The following FOXP2 variants were observed in gnomAD, a reference collection of about 807,000 sequenced individuals.
FOXP2 encodes the protein forkhead box P2, also known as forkhead box protein P2.
FOXP2 carries 12 observed loss-of-function variants against 115.8 expected under a neutral mutation model. The ratio of observed to expected loss-of-function variants is 0.10; its 90% CI spans 0.07 to 0.17. FOXP2 has a LOEUF of 0.17. Among genes scored for constraint, FOXP2 ranks in the 10% least tolerant of loss-of-function variants. FOXP2 has a pLI of 1.00. For missense variants in FOXP2, 629 were observed against 843.5 expected, an observed-to-expected ratio of 0.75 and a Z score of 3.15; for synonymous variants, 328 against 297.7, an observed-to-expected ratio of 1.10 and a Z score of -1.05.
At chr7:114,153,624 A>G (rs1040877302) in intron 1 of FOXP2, among the ~76,000 whole-genome samples, 1 of 152,136 alleles carries the variant, frequency 6.6e-6, no homozygotes, top group Non-Finnish European at 1.5e-5. Flanking sequence ...ATAGTGCATT[A>G]TATTTGCAAA....
intron 3 of FOXP2, among the ~76,000 whole-genome samples, chr7:114,575,728 T>C (rs1403603838): frequency 6.6e-6 from 1 of 151,968 alleles, no homozygotes; most frequent in East Asian, 1.9e-4. Context: ...AGTTAGGAAA[T>C]ACATGCAGCA....
chr7:114,488,199 T>C (rs987080039), intron 2 of FOXP2, among the ~76,000 whole-genome samples: 1 of 151,998 alleles, frequency 6.6e-6, no homozygotes, highest in African/African-American at 2.4e-5. Context: ...TATAAAACCA[T>C]CAGATCTAGT....
intron 3 of FOXP2, among the ~76,000 whole-genome samples, chr7:114,616,167 T>C (rs1803940368): frequency 1.4e-5 from 2 of 145,690 alleles, no homozygotes; most frequent in Non-Finnish European, 3.0e-5. Context: ...TTGTTGTCGT[T>C]TTTGTTTTTT....
intron 3 of FOXP2, among the ~76,000 whole-genome samples, chr7:114,592,784 G>T (rs1466230982): frequency 6.6e-6 from 1 of 151,820 alleles, no homozygotes; most frequent in Non-Finnish European, 1.5e-5. Context: ...GTTTAAAATT[G>T]GCATCTTTTT....
At chr7:114,510,646 C>T (rs1697895153) in intron 2 of FOXP2, among the ~76,000 whole-genome samples, 1 of 152,096 alleles carries the variant, frequency 6.6e-6, no homozygotes, top group African/African-American at 2.4e-5. Context: ...ATGTCTTTTA[C>T]CACAATGAGA....
intron 3 of FOXP2, among the ~76,000 whole-genome samples, chr7:114,568,206 A>G (rs951970950): frequency 7.9e-5 from 12 of 151,914 alleles, no homozygotes; most frequent in African/African-American, 2.7e-4. Context: ...TCTTGTTCCT[A>G]TGGATAGATT....
chr7:114,208,101 A>G (rs1794246053), intron 1 of FOXP2, among the ~76,000 whole-genome samples: 1 of 152,202 alleles, frequency 6.6e-6, no homozygotes, highest in Admixed American at 6.5e-5. Context: ...GTGTACCTGG[A>G]AAAGCTACCA....
chr7:114,208,177 G>A (rs1212679619), intron 1 of FOXP2, among the ~76,000 whole-genome samples: 2 of 152,212 alleles, frequency 1.3e-5, no homozygotes, highest in African/African-American at 4.8e-5. Context: ...AGCAACAGGG[G>A]AAGAGCTGTC....
chr7:114,298,409 T>G (rs1049224207), intron 2 of FOXP2, among the ~76,000 whole-genome samples: 3 of 152,180 alleles, frequency 2.0e-5, no homozygotes, highest in Non-Finnish European at 4.4e-5. Flanking sequence ...GGTCTCTCAG[T>G]CAGCACGCTG....
Position 114,664,453 on chromosome 7 carries a change from GAC to G in FOXP2, c.2003+18_2003+19del. 3.1e-6 allele frequency: 5 copies of G among 1,613,110 alleles called. No homozygotes were observed. The highest frequency in any genetic ancestry group is 4.2e-6 in the Non-Finnish European group (5 of 1,179,496). ...GCCGCACATGTAAGTGTGGTTAACA[GAC>G]TCTCTAAAGGGAAGAATCTATATTA... is the stretch of plus-strand genomic sequence containing the variant. On this transcript the variant is annotated intron_variant, in intron 16 of 16. Transcript: ENST00000350908.
chr7:114,529,696 A>T (rs1799044600), intron 2 of FOXP2, among the ~76,000 whole-genome samples: 1 of 151,846 alleles, frequency 6.6e-6, no homozygotes, highest in Non-Finnish European at 1.5e-5. Context: ...ATGAAAAAAT[A>T]AAAGGTCAAT....
At chr7:114,407,643 A>G (rs750578127) in intron 2 of FOXP2, among the ~76,000 whole-genome samples, 9 of 152,134 alleles carry the variant, frequency 5.9e-5, no homozygotes, top group East Asian at 1.9e-4. Context: ...CAAGAAAAAA[A>G]AGGATTACAT....
At chr7:114,099,535 G>A (rs1216373184) in intron 1 of FOXP2, among the ~76,000 whole-genome samples, 1 of 152,116 alleles carries the variant, frequency 6.6e-6, no homozygotes, top group East Asian at 1.9e-4. Context: ...ATACCCAAAG[G>A]AAATGAGATC....
intron 3 of FOXP2, among the ~76,000 whole-genome samples, chr7:114,536,357 G>A (rs1799391203): frequency 6.7e-6 from 1 of 148,972 alleles, no homozygotes; most frequent in African/African-American, 2.5e-5. Context: ...GGTTACCAGG[G>A]TATCTCTGGA....
intron 3 of FOXP2, among the ~76,000 whole-genome samples, chr7:114,626,826 A>G (rs1804618478): frequency 6.6e-6 from 1 of 151,898 alleles, no homozygotes; most frequent in South Asian, 2.1e-4. Context: ...ATTTTATAAA[A>G]CAACTAAACA....
At chr7:114,386,907 A>G (rs570141595) in intron 2 of FOXP2, among the ~76,000 whole-genome samples, 150 of 152,332 alleles carry the variant, frequency 9.8e-4, no homozygotes, top group Non-Finnish European at 1.8e-3. Flanking sequence ...GAAAATAATT[A>G]TTTCACTTAA....
Position 114,533,853 on chromosome 7 carries a change from T to C in FOXP2, c.169-764T>C, listed in dbSNP as rs1304676663. ...TTTATATAGTACATTTACTGAACTG[T>C]TCCTCCTCCAGTAAATGAAATGCTT... On this transcript the variant is annotated intron_variant, in intron 2 of 16. Coordinates refer to ENST00000350908, the MANE Select transcript of FOXP2 (RefSeq NM_014491.4). 2.0e-5 allele frequency among the ~76,000 whole-genome samples: 3 copies of C among 151,934 alleles called. No homozygotes were observed. The Admixed American group carries it at 2.0e-4, about 10-fold the overall frequency.
At chr7:114,160,067 A>C (rs1302624191), upstream of FOXP2, among the ~76,000 whole-genome samples, 1 of 152,192 alleles carries the variant, frequency 6.6e-6, no homozygotes, top group Non-Finnish European at 1.5e-5. Context: ...CGGGGATCTG[A>C]AGACCTACAG....
chr7:114,631,935 T>C (rs1346632088), intron 6 of FOXP2, among the ~76,000 whole-genome samples: 1 of 152,218 alleles, frequency 6.6e-6, no homozygotes, highest in Admixed American at 6.5e-5. Context: ...AGATATTAAA[T>C]GTGTATTTAT....
Sources: gnomAD v4.1 joint callset for allele counts (sites outside exome capture counted in the v4.1 genomes callset) on GRCh38, gnomAD v4.1.1 for gene constraint, MANE v1.5 for transcripts, NCBI Gene and HGNC (gene_info 2026-07-23, HGNC 2026-07-21) for gene names.